Variants in ARHGAP22 observed in about 807,000 individuals in gnomAD.
ARHGAP22 encodes rho GTPase-activating protein 22.
A neutral mutation model predicts 59.1 loss-of-function variants in ARHGAP22; 48 were observed. That is an observed-to-expected ratio of 0.81 (90% CI 0.64 to 1.03). The LOEUF is 1.03. ARHGAP22 is among the 50% of genes least tolerant of loss of function. The pLI is 0.00. For synonymous variants in ARHGAP22, 445 were observed against 416.4 expected, an observed-to-expected ratio of 1.07 and a Z score of -0.84; for missense variants, 1,015 against 958.7, an observed-to-expected ratio of 1.06 and a Z score of -0.78.
chr10:48,525,294 C>A (rs545710141), intron 3 of ARHGAP22, among the ~76,000 whole-genome samples: 1 of 152,160 alleles, frequency 6.6e-6, no homozygotes, highest in East Asian at 1.9e-4. Flanking sequence ...AATCATCGGC[C>A]GGGCATGGTG....
chr10:48,535,932 C>T (rs531741856), intron 3 of ARHGAP22, among the ~76,000 whole-genome samples: 5 of 152,168 alleles, frequency 3.3e-5, no homozygotes, highest in East Asian at 1.9e-4. Flanking sequence ...GGTGGAGGGG[C>T]GGGAATTGGG....
the ARHGAP22 span, chr10:48,430,830 G>A: frequency 4.2e-5 from 10 of 236,410 alleles, no homozygotes; most frequent in South Asian, 1.3e-4. Flanking sequence ...AGTAAGACAC[G>A]TGGTTCAAGC....
chr10:48,442,340 C>T (rs2045222770), downstream of ARHGAP22, among the ~76,000 whole-genome samples: 1 of 152,188 alleles, frequency 6.6e-6, no homozygotes, highest in Non-Finnish European at 1.5e-5. Flanking sequence ...TGCTGGCTGC[C>T]GCCATCATCC....
intron 3 of ARHGAP22, among the ~76,000 whole-genome samples, chr10:48,497,614 C>T (rs1259527620): frequency 6.6e-6 from 1 of 152,068 alleles, no homozygotes. Context: ...AGGAGCCCCT[C>T]CAGGAAAACA....
chr10:48,628,981 G>A (rs1589237164), intron 1 of ARHGAP22, among the ~76,000 whole-genome samples: 1 of 152,318 alleles, frequency 6.6e-6, no homozygotes, highest in East Asian at 1.9e-4. Context: ...GCTCCTTGGA[G>A]TTTATCTTGC....
intron 1 of ARHGAP22, among the ~76,000 whole-genome samples, chr10:48,622,824 A>G (rs1413769775): frequency 1.3e-5 from 2 of 152,192 alleles, no homozygotes; most frequent in Admixed American, 6.5e-5. Context: ...ATATAGGCAT[A>G]TGGCTGCCTT....
rs1042248613 is a variant in ARHGAP22 at position 48,577,142 on chromosome 10, T to C, written c.234+5811A>G. Among the ~76,000 whole-genome samples, 5 of 152,194 alleles carry C rather than the reference T, an allele frequency of 3.3e-5. No individual in the cohort carries two copies. In the East Asian group the frequency reaches 9.6e-4, roughly 29 times the overall value. On this transcript the variant is annotated intron_variant, in intron 2 of 9. Transcript: ENST00000249601. ...TCTTCTTCCTAGAAGTGTCAAGTTTTCATCCAACCCTTCTTTGGAGTTTTT... is the reference window on the plus strand; with the variant it reads ...TCTTCTTCCTAGAAGTGTCAAGTTTCCATCCAACCCTTCTTTGGAGTTTTT...
intron 1 of ARHGAP22, among the ~76,000 whole-genome samples, chr10:48,595,109 G>C: frequency 6.6e-6 from 1 of 152,202 alleles, no homozygotes; most frequent in East Asian, 1.9e-4. Context: ...ACCCTGCCGT[G>C]GGCCAGGGAT....
At chr10:48,563,211 T>TTTTTTTTA (rs55749457) in intron 2 of ARHGAP22, among the ~76,000 whole-genome samples, 3 of 87,458 alleles carry the variant, frequency 3.4e-5, no homozygotes, top group Non-Finnish European at 5.1e-5. Context: ...TTTTTTTTTT[T>TTTTTTTTA]GAGACGTATT....
intron 3 of ARHGAP22, among the ~76,000 whole-genome samples, chr10:48,497,415 CT>C (rs1165507731): frequency 6.6e-6 from 1 of 152,208 alleles, no homozygotes; most frequent in Non-Finnish European, 1.5e-5. Flanking sequence ...TGATGACTCA[CT>C]TCTATGTTTC....
At chr10:48,523,758 C>A (rs1203649861) in intron 3 of ARHGAP22, among the ~76,000 whole-genome samples, 1 of 152,052 alleles carries the variant, frequency 6.6e-6, no homozygotes, top group Non-Finnish European at 1.5e-5. Context: ...GCCCCGGGCC[C>A]TGGAGGGCGG....
chr10:48,491,656 C>T lies in ARHGAP22; in HGVS notation c.323-11892G>A, dbSNP rs569263623. On this transcript the variant is annotated intron_variant, in intron 3 of 9. Coordinates refer to ENST00000249601, the MANE Select transcript of ARHGAP22 (RefSeq NM_021226.4). Reference sequence around the variant, plus strand: ...AATAGGAGGTTAGTGAGGGCGGCAGCGGCAGAACAAAGGAGACTGGCACAC... The same window carrying T: ...AATAGGAGGTTAGTGAGGGCGGCAGTGGCAGAACAAAGGAGACTGGCACAC... 2.4e-4 allele frequency among the ~76,000 whole-genome samples: 36 copies of T among 152,230 alleles called. 1 individual carries two copies. Among genetic ancestry groups the T allele is most frequent in the Admixed American group, 2.6e-4 (4 of 15,282 alleles).
At chr10:48,560,955 T>A (rs986772568) in intron 2 of ARHGAP22, among the ~76,000 whole-genome samples, 2 of 152,158 alleles carry the variant, frequency 1.3e-5, no homozygotes, top group African/African-American at 4.8e-5. Flanking sequence ...TGATCTATAG[T>A]GTCTTTGTCT....
At chr10:48,431,296 A>G in the ARHGAP22 span, 15 of 1,505,156 alleles carry the variant, frequency 1.0e-5, no homozygotes, top group African/African-American at 2.1e-4. Flanking sequence ...AGCTTGGTTA[A>G]GATTACAGTT....
chr10:48,574,050 A>G (rs1051986870), intron 2 of ARHGAP22, among the ~76,000 whole-genome samples: 5 of 125,184 alleles, frequency 4.0e-5, no homozygotes, highest in Non-Finnish European at 4.9e-5. Context: ...ATACTGAGAC[A>G]CAGAGATAAA....
chr10:48,551,926 A>G (rs149447534), intron 3 of ARHGAP22, among the ~76,000 whole-genome samples: 7 of 152,338 alleles, frequency 4.6e-5, no homozygotes, highest in African/African-American at 1.7e-4. Context: ...TGGAAGCCAG[A>G]TGGCTTGGCC....
intron 3 of ARHGAP22, among the ~76,000 whole-genome samples, chr10:48,524,434 G>A (rs1180091410): frequency 6.6e-6 from 1 of 151,958 alleles, no homozygotes; most frequent in African/African-American, 2.4e-5. Context: ...ACTCTCCCGG[G>A]GTGCCGGGCC....
chr10:48,620,164 A>G (rs1307320870), intron 1 of ARHGAP22, among the ~76,000 whole-genome samples: 2 of 152,238 alleles, frequency 1.3e-5, no homozygotes, highest in African/African-American at 4.8e-5. Flanking sequence ...TTGGGAAAGA[A>G]TGAATCAATA....
chr10:48,650,911 G>A (rs1279814530), intron 1 of ARHGAP22, among the ~76,000 whole-genome samples: 1 of 152,162 alleles, frequency 6.6e-6, no homozygotes, highest in Non-Finnish European at 1.5e-5. Flanking sequence ...AGAAGTGTCT[G>A]CAGCACGAGG....
Sources: allele counts gnomAD v4.1 joint callset (sites outside exome capture counted in the v4.1 genomes callset), GRCh38; gene constraint gnomAD v4.1.1; transcripts MANE v1.5; gene names NCBI Gene and HGNC (gene_info 2026-07-23, HGNC 2026-07-21).